The following CHRNA5 variants were observed in gnomAD, a reference collection of about 807,000 sequenced individuals.
CHRNA5 encodes neuronal acetylcholine receptor subunit alpha-5.
Under a neutral mutation model 41.2 loss-of-function variants are expected in CHRNA5, and 28 were observed. The observed-to-expected ratio is 0.68, with a 90% CI of 0.50 to 0.93. The LOEUF (loss-of-function observed/expected upper bound fraction) is 0.93. CHRNA5 is among the 40% of genes least tolerant of loss of function. CHRNA5 has a pLI of 0.00. For synonymous variants in CHRNA5, 188 were observed against 205.8 expected (o/e 0.91, Z 0.74); for missense variants, 481 against 581.9 (o/e 0.83, Z 1.78).
chr15:78,584,550 C>T (rs1473600003), intron 2 of CHRNA5, among the ~76,000 whole-genome samples: 2 of 152,170 alleles, frequency 1.3e-5, no homozygotes, highest in Non-Finnish European at 2.9e-5. Flanking sequence ...AATGGCTAAC[C>T]ACCACATCTT....
intron 3 of CHRNA5, among the ~76,000 whole-genome samples, chr15:78,587,576 G>A (rs1224853770): frequency 6.6e-6 from 1 of 152,150 alleles, no homozygotes; most frequent in Non-Finnish European, 1.5e-5. Context: ...CATCAGATAA[G>A]CAAGAAGAGG....
chr15:78,590,594 C>T (rs748780333), exon 5 of CHRNA5: 1 of 1,614,104 alleles, frequency 6.2e-7, no homozygotes, highest in South Asian at 1.1e-5. Flanking sequence ...ATTCTATTCG[C>T]TACATTACAA....
chr15:78,590,848 A>C, intron 5 of CHRNA5: 2 of 537,506 alleles, frequency 3.7e-6, no homozygotes, highest in Non-Finnish European at 3.3e-6. Context: ...CACAAATCTC[A>C]CTTCTCCACT....
At chr15:78,580,769 G>A (rs2052904901) in intron 1 of CHRNA5, 42 bp from the exon 2 acceptor site, 1 of 1,542,046 alleles carries the variant, frequency 6.5e-7, no homozygotes, top group South Asian at 1.2e-5. Flanking sequence ...TATCTGGTGG[G>A]AGAGAAGCGA....
rs1399045323 is a variant in CHRNA5 at position 78,578,691 on chromosome 15, A to G, written c.107-2120A>G. ...TGGAAAACATGGTCTATCATCATAA[A>G]GAGAAGATTTTGTGAAAGTGCTAAT... On this transcript the variant is annotated intron_variant, in intron 1 of 5. Transcript: ENST00000299565. Among the ~76,000 whole-genome samples the G allele has an allele frequency of 2.6e-5, 4 of 152,302 alleles. No individual in the cohort carries two copies. In the South Asian group the frequency reaches 8.3e-4, roughly 32 times the overall value.
intron 2 of CHRNA5, among the ~76,000 whole-genome samples, chr15:78,584,597 C>T (rs1451867512): frequency 6.6e-6 from 1 of 152,216 alleles, no homozygotes; most frequent in Non-Finnish European, 1.5e-5. Context: ...ATTCTTTTAT[C>T]TGTGTTATTG....
chr15:78,583,467 G>A (rs1327518816), intron 2 of CHRNA5, among the ~76,000 whole-genome samples: 2 of 152,186 alleles, frequency 1.3e-5, no homozygotes, highest in Non-Finnish European at 2.9e-5. Context: ...GCCGAGGCAG[G>A]TAGATCACAA....
intron 4 of CHRNA5, 60 bp from the exon 5 acceptor site, chr15:78,589,745 A>G (rs766111704): frequency 5.6e-5 from 72 of 1,280,572 alleles, no homozygotes; most frequent in Non-Finnish European, 7.6e-5. Context: ...GGCTTATATT[A>G]ATACAATTCA....
intron 2 of CHRNA5, 89 bp from the exon 3 acceptor site, chr15:78,586,556 T>C: frequency 1.3e-6 from 1 of 765,320 alleles, no homozygotes; most frequent in East Asian, 2.7e-5. Context: ...TGAAGAAGAG[T>C]GTTTATATAA....
chr15:78,574,497 T>A (rs1035782281), intron 1 of CHRNA5, among the ~76,000 whole-genome samples: 2 of 151,948 alleles, frequency 1.3e-5, no homozygotes, highest in South Asian at 2.1e-4. Flanking sequence ...AGTAAGATAA[T>A]GTACTTTATT....
intron 2 of CHRNA5, among the ~76,000 whole-genome samples, chr15:78,584,467 A>G (rs938935338): frequency 6.6e-6 from 1 of 152,228 alleles, no homozygotes; most frequent in African/African-American, 2.4e-5. Flanking sequence ...TGCATCCTCC[A>G]TTGTGCTGAG....
At chr15:78,592,349 G>T (rs568812356) in intron 5 of CHRNA5, among the ~76,000 whole-genome samples, 4 of 152,044 alleles carry the variant, frequency 2.6e-5, no homozygotes, top group Non-Finnish European at 5.9e-5. Context: ...GAAGTAACAG[G>T]GTTTACAATG....
intron 1 of CHRNA5, among the ~76,000 whole-genome samples, chr15:78,570,843 A>G (rs1442016366): frequency 2.0e-5 from 3 of 152,096 alleles, no homozygotes; most frequent in Non-Finnish European, 2.9e-5. Context: ...CTTTGTTGTC[A>G]GAGGGGGGCG....
intron 2 of CHRNA5, among the ~76,000 whole-genome samples, chr15:78,582,739 A>G (rs2052924681): frequency 6.6e-6 from 1 of 152,208 alleles, no homozygotes; most frequent in Non-Finnish European, 1.5e-5. Flanking sequence ...TTTAAGTACA[A>G]AGGAACAATA....
At position 78,593,089 on chromosome 15, in the gene CHRNA5, C is replaced by T. The variant is rs1369379801; in HGVS notation, c.1246-3C>T. 2 of 1,596,812 alleles carry T rather than the reference C, an allele frequency of 1.3e-6. No individual in the cohort carries two copies. Among genetic ancestry groups the T allele is most frequent in the African/African-American group, 1.4e-5 (1 of 73,570 alleles). Reference sequence around the variant, plus strand: ...TAATGCATTTTTATTTTTTTCCTAACAGGTTGTTGAAGATTGGAAATTCAT... The same window carrying T: ...TAATGCATTTTTATTTTTTTCCTAATAGGTTGTTGAAGATTGGAAATTCAT... On this transcript the variant is annotated splice_polypyrimidine_tract_variant and splice_region_variant and intron_variant, in intron 5 of 5. Coordinates refer to ENST00000299565, the Ensembl canonical transcript of CHRNA5.
At chr15:78,576,062 T>A (rs1362312820) in intron 1 of CHRNA5, among the ~76,000 whole-genome samples, 3 of 152,238 alleles carry the variant, frequency 2.0e-5, no homozygotes, top group Non-Finnish European at 4.4e-5. Flanking sequence ...GATACATGAT[T>A]TGCAAATATT....
At chr15:78,574,034 CA>C (rs1257381487) in intron 1 of CHRNA5, among the ~76,000 whole-genome samples, 5 of 136,560 alleles carry the variant, frequency 3.7e-5, no homozygotes, top group African/African-American at 1.4e-4. Context: ...AGGATGGTCT[CA>C]AACTCCTAAC....
At chr15:78,569,266 A>G (rs993304255) in intron 1 of CHRNA5, among the ~76,000 whole-genome samples, 2 of 152,030 alleles carry the variant, frequency 1.3e-5, no homozygotes, top group Non-Finnish European at 2.9e-5. Flanking sequence ...TCTAGCAAGT[A>G]ATTTTTTATA....
intron 3 of CHRNA5, 28 bp downstream of exon 3, chr15:78,586,717 C>A: frequency 1.3e-6 from 2 of 1,541,140 alleles, no homozygotes; most frequent in East Asian, 4.5e-5. Flanking sequence ...AAACGGGCAC[C>A]CAATTAGTGA....
Sources: gnomAD v4.1 joint callset for allele counts (sites outside exome capture counted in the v4.1 genomes callset) on GRCh38, gnomAD v4.1.1 for gene constraint, MANE v1.5 for transcripts, NCBI Gene and HGNC (gene_info 2026-07-23, HGNC 2026-07-21) for gene names.